Variants in GABRA6 observed in about 807,000 individuals in gnomAD.
The protein encoded by GABRA6 is gamma-aminobutyric acid type A receptor subunit alpha6.
Under a neutral mutation model 47.3 loss-of-function variants are expected in GABRA6, and 45 were observed. The observed-to-expected ratio is 0.95, with a 90% CI of 0.75 to 1.22. The LOEUF is 1.22. Among genes scored for constraint, GABRA6 ranks in the 50% most tolerant of loss-of-function variants. The probability of loss-of-function intolerance (pLI) is 0.00; values close to 1 mark genes in which losing one functional copy is unlikely to be tolerated. For missense variants in GABRA6, 583 were observed against 549.3 expected, an observed-to-expected ratio of 1.06 and a Z score of -0.61; for synonymous variants, 219 against 194.7, an observed-to-expected ratio of 1.12 and a Z score of -1.04.
Position 161,701,745 on chromosome 5 carries a change from C to T in GABRA6, c.1334C>T (p.Thr445Ile), listed in dbSNP as rs747901826. 2 of 1,614,056 alleles carry T rather than the reference C, an allele frequency of 1.2e-6. No individual in the cohort carries two copies. Among genetic ancestry groups the T allele is most frequent in the South Asian group, 2.2e-5 (2 of 91,080 alleles). ...TGGGTAGTTTATCTTTCCAAAGATACAATGGAAGTCAGTAGCAGTGTTGAA... is the reference window on the plus strand; with the variant it reads ...TGGGTAGTTTATCTTTCCAAAGATATAATGGAAGTCAGTAGCAGTGTTGAA... ...VYWVVYLSKDTMEVSSSVE is the reference protein window; with the variant it reads ...VYWVVYLSKDIMEVSSSVE Residue 445 changes from threonine (T) to isoleucine (I), a missense_variant, in exon 9 of 9, where the codon ACA becomes ATA. By Grantham distance (89) the Thr-to-Ile change is moderately conservative (BLOSUM62 -1). Transcript: ENST00000274545.
intron 3 of GABRA6, chr5:161,687,766 T>G (rs1450274981): frequency 6.1e-6 from 1 of 163,714 alleles, no homozygotes; most frequent in Non-Finnish European, 1.3e-5. Context: ...GACTTTTTCA[T>G]TTTCTGCTTT....
intron 3 of GABRA6, 68 bp from the exon 4 acceptor site, chr5:161,688,881 G>A (rs886242738): frequency 3.8e-6 from 5 of 1,324,996 alleles, no homozygotes; most frequent in Admixed American, 1.7e-5. Flanking sequence ...TGGGTGTATA[G>A]GCTAGTGAAT....
intron 8 of GABRA6, among the ~76,000 whole-genome samples, chr5:161,697,903 T>C (rs1754913442): frequency 6.6e-6 from 1 of 152,216 alleles, no homozygotes; most frequent in Non-Finnish European, 1.5e-5. Flanking sequence ...GAAGATAATA[T>C]GACATTGTGG....
intron 8 of GABRA6, 66 bp downstream of exon 8, chr5:161,692,266 C>A (rs1561725647): frequency 6.3e-7 from 1 of 1,593,964 alleles, no homozygotes; most frequent in South Asian, 1.1e-5. Context: ...TGATCAGAAA[C>A]AACGAAAGTG....
intron 2 of GABRA6, 143 bp from the exon 3 acceptor site, chr5:161,686,793 C>G: frequency 1.4e-6 from 1 of 737,024 alleles, no homozygotes; most frequent in Non-Finnish European, 2.4e-6. Flanking sequence ...GTTGAGAGAC[C>G]CAAGGATCCC....
chr5:161,700,413 T>C (rs112804312), intron 8 of GABRA6, among the ~76,000 whole-genome samples: 9 of 152,254 alleles, frequency 5.9e-5, no homozygotes, highest in African/African-American at 2.2e-4. Context: ...AGGGTGTTTG[T>C]TACAGGATGC....
In GABRA6 at chr5:161,694,698, C is replaced by T. The variant is rs112639616; in HGVS notation, c.1086+2498C>T. 2.5e-4 allele frequency among the ~76,000 whole-genome samples: 38 copies of T among 152,058 alleles called. 1 individual carries two copies. Among genetic ancestry groups the T allele is most frequent in the African/African-American group, 9.2e-4 (38 of 41,496 alleles). On this transcript the variant is annotated intron_variant, in intron 8 of 8. Transcript: ENST00000274545. ...TCTTGTGAAAAATTATATTTCTGAA[C>T]CTGGTTTTACTTAAAATGTTTTAAA...
intron 8 of GABRA6, among the ~76,000 whole-genome samples, chr5:161,695,808 CT>C (rs924086538): frequency 7.3e-5 from 11 of 151,544 alleles, no homozygotes; most frequent in East Asian, 1.9e-4. Flanking sequence ...TTATTCATTT[CT>C]TTTTTTTTCT....
intron 7 of GABRA6, among the ~76,000 whole-genome samples, chr5:161,691,402 T>C (rs893211193): frequency 6.7e-6 from 1 of 149,288 alleles, no homozygotes; most frequent in Non-Finnish European, 1.5e-5. Flanking sequence ...TTCACGCCAT[T>C]CTCCTGCCTC....
chr5:161,701,637 C>T lies in GABRA6; in HGVS notation c.1226C>T (p.Pro409Leu), dbSNP rs1315975780. Residue 409 changes from proline (P) to leucine (L), a missense_variant, in exon 9 of 9, where the codon CCA becomes CTA. Physicochemically the swap from Pro to Leu is moderately conservative, Grantham distance 98. Transcript: ENST00000274545. ...CCTGTCACACCCCCACCACTCTCGC[C>T]AGCCTTTGGAGGCACCAGTAAAATA... ...STPVTPPPLS[P>L]AFGGTSKIDQ... is the part of the protein sequence containing the mutation. 1.9e-6 allele frequency: 3 copies of T among 1,614,062 alleles called. No homozygotes were observed. Among genetic ancestry groups the T allele is most frequent in the East Asian group, 2.2e-5 (1 of 44,880 alleles).
intron 8 of GABRA6, among the ~76,000 whole-genome samples, chr5:161,699,222 G>A (rs1347548453): frequency 6.6e-6 from 1 of 152,152 alleles, no homozygotes; most frequent in Non-Finnish European, 1.5e-5. Flanking sequence ...GTCAAAATGA[G>A]TGTAGAAAGA....
At chr5:161,686,790 G>T in intron 2 of GABRA6, 146 bp from the exon 3 acceptor site, 1 of 727,906 alleles carries the variant, frequency 1.4e-6, no homozygotes, top group Non-Finnish European at 2.5e-6. Context: ...AGAGTTGAGA[G>T]ACCCAAGGAT....
Position 161,689,078 on chromosome 5 carries a change from A to G in GABRA6, c.355A>G (p.Arg119Gly). ...SKIWTPDTFF[R>G]NGKKSIAHNM... Reference sequence around the variant, plus strand: ...AATCTGGACGCCTGACACCTTTTTCAGAAATGGTAAAAAGTCCATTGCTCA... The same window carrying G: ...AATCTGGACGCCTGACACCTTTTTCGGAAATGGTAAAAAGTCCATTGCTCA... The change falls in exon 4 of 9, where the codon AGA becomes GGA. Residue 119 changes from arginine to glycine, a missense_variant. Coordinates refer to ENST00000274545, the MANE Select transcript of GABRA6 (RefSeq NM_000811.3). The G allele has an allele frequency of 1.2e-6, 2 of 1,614,104 alleles. No individual in the cohort carries two copies. Among genetic ancestry groups the G allele is most frequent in the Non-Finnish European group, 1.7e-6 (2 of 1,179,970 alleles).
At chr5:161,692,865 A>G (rs1430743933) in intron 8 of GABRA6, among the ~76,000 whole-genome samples, 1 of 152,242 alleles carries the variant, frequency 6.6e-6, no homozygotes, top group Non-Finnish European at 1.5e-5. Context: ...TGAATAAGAA[A>G]CAAATGGTAA....
rs1725652548 is a variant in GABRA6 at position 161,701,663 on chromosome 5, GACC to G, written c.1254_1256del (p.Asp418_Gln419delinsGlu). ...AGCCTTTGGAGGCACCAGTAAAATA[GACC>G]AGTATTCTCGAATTCTCTTCCCAGT... On this transcript the variant is annotated inframe_deletion, in exon 9 of 9. Coordinates refer to ENST00000274545, the MANE Select transcript of GABRA6 (RefSeq NM_000811.3). 6.2e-7 allele frequency: 1 copy of G among 1,614,022 alleles called. No homozygotes were observed. The highest frequency in any genetic ancestry group is 8.5e-7 in the Non-Finnish European group (1 of 1,180,036).
intron 7 of GABRA6, 25 bp from the exon 8 acceptor site, chr5:161,691,916 C>A (rs1257303084): frequency 6.2e-7 from 1 of 1,605,852 alleles, no homozygotes; most frequent in South Asian, 1.1e-5. Flanking sequence ...ACTAATATTA[C>A]AATTCCTATT....
intron 7 of GABRA6, among the ~76,000 whole-genome samples, 155 bp downstream of exon 7, chr5:161,690,508 C>G (rs1187030121): frequency 3.3e-5 from 5 of 152,162 alleles, no homozygotes; most frequent in Admixed American, 1.3e-4. Context: ...AAATCACTGT[C>G]ATTATATCAC....
At chr5:161,690,460 A>C (rs1754772419) in intron 7 of GABRA6, 107 bp downstream of exon 7, 2 of 1,124,802 alleles carry the variant, frequency 1.8e-6, no homozygotes, top group Non-Finnish European at 2.7e-6. Flanking sequence ...CCACAAAGAA[A>C]ATAGGTTCCT....
intron 8 of GABRA6, among the ~76,000 whole-genome samples, chr5:161,697,185 C>T (rs891619539): frequency 5.0e-4 from 76 of 152,318 alleles, no homozygotes; most frequent in African/African-American, 1.8e-3. Flanking sequence ...TTCAAAACCA[C>T]AGGCGTTCCA....
Sources: allele counts gnomAD v4.1 joint callset (sites outside exome capture counted in the v4.1 genomes callset), GRCh38; gene constraint gnomAD v4.1.1; transcripts MANE v1.5; gene names NCBI Gene and HGNC (gene_info 2026-07-23, HGNC 2026-07-21).